Variants in ZDHHC14 observed in about 807,000 individuals in gnomAD.
ZDHHC14 encodes the protein palmitoyltransferase ZDHHC14.
Under a neutral mutation model 47.7 loss-of-function variants are expected in ZDHHC14, and 16 were observed. The observed-to-expected ratio is 0.34, with a 90% CI of 0.23 to 0.51. The LOEUF (loss-of-function observed/expected upper bound fraction) is 0.51. Among genes scored for constraint, ZDHHC14 ranks in the 20% least tolerant of loss-of-function variants. ZDHHC14 has a pLI of 0.97. For missense variants in ZDHHC14, 515 were observed against 662.5 expected (o/e 0.78, Z 2.44); for synonymous variants, 293 against 278.9 (o/e 1.05, Z -0.50).
At chr6:157,522,767 T>TC (rs1780975636) in intron 1 of ZDHHC14, among the ~76,000 whole-genome samples, 1 of 51,848 alleles carries the variant, frequency 1.9e-5, no homozygotes, top group Non-Finnish European at 3.4e-5. Flanking sequence ...CTCCCTCCCT[T>TC]CTTTCCTCCA....
intron 1 of ZDHHC14, among the ~76,000 whole-genome samples, chr6:157,386,299 G>A (rs1777310155): frequency 6.6e-6 from 1 of 152,116 alleles, no homozygotes; most frequent in Non-Finnish European, 1.5e-5. Context: ...TTGAGCCCAA[G>A]AGTTCGAGAC....
At chr6:157,620,478 C>T (rs535563543) in intron 3 of ZDHHC14, among the ~76,000 whole-genome samples, 124 of 152,372 alleles carry the variant, frequency 8.1e-4, no homozygotes, top group African/African-American at 2.5e-3. Flanking sequence ...GCTCCACAAT[C>T]GGAACAATAA....
chr6:157,386,728 A>G (rs1777319263), intron 1 of ZDHHC14, among the ~76,000 whole-genome samples: 1 of 152,186 alleles, frequency 6.6e-6, no homozygotes, highest in Admixed American at 6.5e-5. Context: ...CCCTCTTTGC[A>G]GCTATTAAGA....
intron 1 of ZDHHC14, among the ~76,000 whole-genome samples, chr6:157,498,274 A>G (rs914275471): frequency 2.6e-5 from 4 of 151,780 alleles, no homozygotes; most frequent in Non-Finnish European, 5.9e-5. Flanking sequence ...ACATCTCAAA[A>G]AAAAAAAAAA....
At chr6:157,493,747 C>T (rs989023663) in intron 1 of ZDHHC14, among the ~76,000 whole-genome samples, 4 of 152,242 alleles carry the variant, frequency 2.6e-5, no homozygotes, top group South Asian at 2.1e-4. Context: ...GTGCCCGCTT[C>T]GTGTCTGCGC....
intron 1 of ZDHHC14, among the ~76,000 whole-genome samples, chr6:157,445,692 C>G (rs1160474271): frequency 6.6e-6 from 1 of 151,846 alleles, no homozygotes; most frequent in Non-Finnish European, 1.5e-5. Context: ...TTTTCTTATG[C>G]CTTTAATGGT....
intron 1 of ZDHHC14, among the ~76,000 whole-genome samples, chr6:157,433,342 A>G (rs1036381053): frequency 1.3e-5 from 2 of 152,256 alleles, no homozygotes; most frequent in South Asian, 2.1e-4. Context: ...AAAGAAGGGT[A>G]GTTTAAATAA....
Position 157,674,024 on chromosome 6 carries a change from A to G in ZDHHC14, c.*902A>G, listed in dbSNP as rs568565621. On this transcript the variant is annotated 3_prime_UTR_variant, in exon 9 of 9. Coordinates refer to ENST00000359775, the MANE Select transcript of ZDHHC14 (RefSeq NM_024630.3). ...GGAGAGTTTTTCTTGAAATGTCCCT[A>G]GCGAGGAATGGTCCCCAGACAACCA... The G allele has an allele frequency of 2.0e-5, 3 of 152,792 alleles. No individual in the cohort carries two copies. The South Asian group carries it at 6.2e-4, about 32-fold the overall frequency. The allele number at this position is 152,792 out of a possible 1,614,324, so 9.5% of individuals were successfully genotyped here.
At chr6:157,384,191 T>C (rs796508269) in intron 1 of ZDHHC14, among the ~76,000 whole-genome samples, 5 of 152,374 alleles carry the variant, frequency 3.3e-5, no homozygotes, top group African/African-American at 1.2e-4. Flanking sequence ...TTGCAGAGCT[T>C]CAGCCACAAG....
At chr6:157,632,678 T>C (rs1037241288) in intron 4 of ZDHHC14, 156 bp from the exon 5 acceptor site, 1 of 738,990 alleles carries the variant, frequency 1.4e-6, no homozygotes, top group Non-Finnish European at 2.4e-6. Context: ...TTTAGTGGCA[T>C]CTCAATCTCT....
chr6:157,390,538 T>C (rs2114734629), intron 1 of ZDHHC14, among the ~76,000 whole-genome samples: 1 of 152,308 alleles, frequency 6.6e-6, no homozygotes, highest in Non-Finnish European at 1.5e-5. Context: ...CATCATTTTA[T>C]ATAGTCCCAT....
chr6:157,632,438 C>T (rs1263259183), intron 4 of ZDHHC14: 3 of 193,678 alleles, frequency 1.5e-5, no homozygotes, highest in Non-Finnish European at 3.2e-5. Flanking sequence ...TTCTTTTATA[C>T]GTAGCCTAGT....
At chr6:157,457,723 T>C (rs1431646077) in intron 1 of ZDHHC14, among the ~76,000 whole-genome samples, 1 of 152,240 alleles carries the variant, frequency 6.6e-6, no homozygotes, top group Non-Finnish European at 1.5e-5. Flanking sequence ...GTCTGACATG[T>C]AGATCCTGTA....
At chr6:157,429,252 AG>A (rs1307051947) in intron 1 of ZDHHC14, among the ~76,000 whole-genome samples, 4 of 152,202 alleles carry the variant, frequency 2.6e-5, no homozygotes, top group African/African-American at 7.2e-5. Flanking sequence ...TCAACTTACT[AG>A]GTTGCTGGTC....
At chr6:157,563,747 G>A (rs1782801254) in intron 2 of ZDHHC14, among the ~76,000 whole-genome samples, 1 of 152,232 alleles carries the variant, frequency 6.6e-6, no homozygotes, top group African/African-American at 2.4e-5. Flanking sequence ...TCAAACACCC[G>A]GGGAACTCTA....
chr6:157,618,554 T>C (rs1363386847), intron 3 of ZDHHC14, among the ~76,000 whole-genome samples: 1 of 152,110 alleles, frequency 6.6e-6, no homozygotes. Flanking sequence ...ACTCCTGACC[T>C]CAAATGATCC....
chr6:157,494,428 C>T (rs1780006046), intron 1 of ZDHHC14, among the ~76,000 whole-genome samples: 1 of 152,212 alleles, frequency 6.6e-6, no homozygotes, highest in South Asian at 2.1e-4. Flanking sequence ...GTAATGATCT[C>T]TGGTCTGGAG....
chr6:157,485,858 A>C (rs1473336693), intron 1 of ZDHHC14, among the ~76,000 whole-genome samples: 3 of 152,082 alleles, frequency 2.0e-5, no homozygotes, highest in Non-Finnish European at 4.4e-5. Flanking sequence ...TAAAAATACA[A>C]AAATATTAGC....
Position 157,460,944 on chromosome 6 carries a change from T to A in ZDHHC14, c.245+78678T>A, listed in dbSNP as rs1015526511. Reference sequence around the variant, plus strand: ...GAGACACCCAGATCATCCCTTTATCTATTTTTTCCTGTATAGGACAATGCA... The same window carrying A: ...GAGACACCCAGATCATCCCTTTATCAATTTTTTCCTGTATAGGACAATGCA... On this transcript the variant is annotated intron_variant, in intron 1 of 8. Coordinates refer to ENST00000359775, the MANE Select transcript of ZDHHC14 (RefSeq NM_024630.3). Among the ~76,000 whole-genome samples the A allele has an allele frequency of 8.3e-4, 126 of 152,314 alleles. 1 individual carries two copies. The highest frequency in any genetic ancestry group is 2.9e-3 in the African/African-American group (122 of 41,572).
Sources: gnomAD v4.1 joint callset for allele counts (sites outside exome capture counted in the v4.1 genomes callset) on GRCh38, gnomAD v4.1.1 for gene constraint, MANE v1.5 for transcripts, NCBI Gene and HGNC (gene_info 2026-07-23, HGNC 2026-07-21) for gene names.